The following NUDT16L1 variants were observed in gnomAD, a reference collection of about 807,000 sequenced individuals.
The protein encoded by NUDT16L1 is tudor-interacting repair regulator protein.
NUDT16L1 carries 19 observed loss-of-function variants against 17.3 expected under a neutral mutation model. The ratio of observed to expected loss-of-function variants is 1.10; its 90% confidence interval spans 0.77 to 1.61. The LOEUF is 1.61. NUDT16L1 is among the 40% of genes most tolerant of loss of function. The pLI, the probability that NUDT16L1 is intolerant of heterozygous loss-of-function variation, is 0.00. For synonymous variants in NUDT16L1, 255 were observed against 138.6 expected, an observed-to-expected ratio of 1.84 and a Z score of -5.90; for missense variants, 341 against 292.0, an observed-to-expected ratio of 1.17 and a Z score of -1.22.
chr16:4,695,013 T>C (rs761096562), exon 3 of NUDT16L1: 1 of 1,612,898 alleles, frequency 6.2e-7, no homozygotes. Flanking sequence ...GTCGGAGGCT[T>C]CCCCAACTTC....
At position 4,694,501 on chromosome 16, in the gene NUDT16L1, G is replaced by C. The variant is rs1409641422; in HGVS notation, c.414+263G>C. On this transcript the variant is annotated intron_variant, in intron 2 of 2. Coordinates refer to ENST00000304301, the Ensembl canonical transcript of NUDT16L1. ...GCCATTGCCAATCCTGGGAGTGGGG[G>C]AGTGGGATCGGTGGGGAGGAAGGGA... 4 of 1,515,362 alleles carry C rather than the reference G, an allele frequency of 2.6e-6. No homozygotes were observed. In the Admixed American group the frequency reaches 6.2e-5, roughly 23 times the overall value. The allele number at this position is 1,515,362 out of a possible 1,614,324, so 93.9% of individuals were successfully genotyped here.
exon 2 of NUDT16L1, chr16:4,694,006 G>A: frequency 1.9e-6 from 3 of 1,583,332 alleles, no homozygotes; most frequent in Non-Finnish European, 2.6e-6. Flanking sequence ...GGGCTGCTGG[G>A]CTTCCCCGGG....
upstream of NUDT16L1, chr16:4,693,665 C>T (rs963014283): frequency 4.4e-6 from 6 of 1,357,498 alleles, no homozygotes; most frequent in Admixed American, 3.5e-5. Context: ...TGGCGAGGCA[C>T]GGCGGGGGCG....
At chr16:4,695,815 G>A (rs1596332065) in exon 3 of NUDT16L1, 1 of 383,084 alleles carries the variant, frequency 2.6e-6, no homozygotes, top group East Asian at 3.7e-5. Context: ...GCTGTCGAAG[G>A]AGAAGACAAT....
At position 4,694,439 on chromosome 16, in the gene NUDT16L1, G is replaced by A. The variant is rs765786383; in HGVS notation, c.414+201G>A. 4.7e-4 allele frequency: 716 copies of A among 1,514,308 alleles called. 5 individuals carry two copies. The highest frequency in any genetic ancestry group is 1.1e-3 in the Middle Eastern group (6 of 5,428). 93.8% of individuals were successfully genotyped at this position (1,514,308 alleles called of 1,614,324 possible). A position where few individuals can be genotyped will look rare whatever the true frequency, so the allele number is the denominator to read the frequency against. On this transcript the variant is annotated intron_variant, in intron 2 of 2. Transcript: ENST00000304301. Reference sequence around the variant, plus strand: ...GGCGGGGGTGGGGGCCGGCGCTGGGGCTCCCTCAGGGCTGTGTTACATCCG... The same window carrying A: ...GGCGGGGGTGGGGGCCGGCGCTGGGACTCCCTCAGGGCTGTGTTACATCCG...
At chr16:4,694,421 G>C (rs2079487547) in intron 2 of NUDT16L1, 183 bp downstream of exon 2, 8 of 1,449,794 alleles carry the variant, frequency 5.5e-6, no homozygotes, top group Non-Finnish European at 4.6e-6. Context: ...AGGGGCGGGG[G>C]TGGGGGCCGG....
chr16:4,695,162 C>T lies in NUDT16L1; in HGVS notation c.619C>T (p.Leu207Phe), dbSNP rs774050074. The change falls in exon 3 of 3, where the codon CTC (leucine) becomes TTC (phenylalanine). Residue 207 changes from leucine (L) to phenylalanine (F), a missense_variant. By Grantham distance (22) the Leu-to-Phe change is conservative (BLOSUM62 0). Coordinates refer to ENST00000304301, the Ensembl canonical transcript of NUDT16L1. ...GCAGAAGAAGGCCCTGGAGAAGTTGCTCCCGGCCTCCTCTTGAGGGCTGCC... is the reference window on the plus strand; with the variant it reads ...GCAGAAGAAGGCCCTGGAGAAGTTGTTCCCGGCCTCCTCTTGAGGGCTGCC... 4.3e-6 allele frequency: 7 copies of T among 1,612,686 alleles called. No individual in the cohort carries two copies. The Admixed American group carries it at 5.0e-5, about 12-fold the overall frequency.
exon 3 of NUDT16L1, chr16:4,695,413 C>G: frequency 1.7e-6 from 1 of 596,138 alleles, no homozygotes; most frequent in Non-Finnish European, 3.0e-6. Context: ...CCTGCCTCTC[C>G]AGCCTCAGGA....
chr16:4,693,791 C>G lies in NUDT16L1; in HGVS notation c.65C>G (p.Pro22Arg), dbSNP rs1181008206. Residue 22 changes from proline (P) to arginine (R), a missense_variant, in exon 1 of 3, where the codon CCG becomes CGG. Physicochemically the swap from Pro to Arg is moderately radical, Grantham distance 103. Transcript: ENST00000304301. ...CGGGTGGAGGCGATGCGCCTAGGGC[C>G]GGGCTGGAGCCACTCGTGCCACGCC... 3 of 1,569,978 alleles carry G rather than the reference C, an allele frequency of 1.9e-6. No individual in the cohort carries two copies. The highest frequency in any genetic ancestry group is 2.6e-6 in the Non-Finnish European group (3 of 1,162,704).
chr16:4,694,625 A>AC, intron 2 of NUDT16L1: 1 of 1,404,542 alleles, frequency 7.1e-7, no homozygotes, highest in Admixed American at 3.0e-5. Flanking sequence ...GGCTCTTGGG[A>AC]TTTGTACTTT....
At chr16:4,695,778 C>G (rs143218484) in exon 3 of NUDT16L1, 1 of 396,534 alleles carries the variant, frequency 2.5e-6, no homozygotes, top group East Asian at 3.6e-5. Context: ...CAGTCAGGGC[C>G]TCGGGGGCCC....
chr16:4,693,948 C>G, intron 1 of NUDT16L1, 30 bp from the exon 2 acceptor site: 1 of 1,515,156 alleles, frequency 6.6e-7, no homozygotes, highest in Non-Finnish European at 8.7e-7. Flanking sequence ...GTCCGTCGAC[C>G]CCGCGGCTGT....
At chr16:4,695,094 C>G (rs2079513726) in exon 3 of NUDT16L1, 1 of 1,613,558 alleles carries the variant, frequency 6.2e-7, no homozygotes, top group Non-Finnish European at 8.5e-7. Flanking sequence ...AACATGATGC[C>G]CGAGGAGAAG....
rs530860660 is a variant in NUDT16L1 at position 4,695,790 on chromosome 16, G to C, written c.*611G>C. 46 of 394,638 alleles carry C rather than the reference G, an allele frequency of 1.2e-4. No individual in the cohort carries two copies. In the Admixed American group the frequency reaches 1.7e-3, roughly 15 times the overall value. The allele number at this position is 394,638 out of a possible 1,614,324, so 24.4% of individuals were successfully genotyped here. ...GGACAGTCAGGGCCTCGGGGGCCCA[G>C]CTATGTACAACGAAGCTGTCGAAGG... On this transcript the variant is annotated 3_prime_UTR_variant, in exon 3 of 3. Transcript: ENST00000304301.
exon 3 of NUDT16L1, chr16:4,695,431 G>A (rs541375882): frequency 3.4e-6 from 2 of 593,998 alleles, no homozygotes; most frequent in African/African-American, 3.7e-5. Context: ...GGATGCTCTT[G>A]TTTATTCTGG....
exon 1 of NUDT16L1, chr16:4,693,699 C>G: frequency 1.3e-6 from 2 of 1,483,828 alleles, no homozygotes; most frequent in South Asian, 1.3e-5. Context: ...TCTTAAGTGG[C>G]AGCGGCGGGG....
exon 3 of NUDT16L1, chr16:4,695,496 C>CTGA (rs1354273936): frequency 3.6e-6 from 2 of 555,538 alleles, no homozygotes; most frequent in African/African-American, 3.8e-5. Context: ...CCAGGAGTGC[C>CTGA]TGATTGTCCC....
chr16:4,694,315 C>A (rs1312432919), intron 2 of NUDT16L1, 77 bp downstream of exon 2: 1 of 1,482,588 alleles, frequency 6.7e-7, no homozygotes, highest in Non-Finnish European at 8.9e-7. Flanking sequence ...ATGGGTAACA[C>A]GTCTCCTGAG....
chr16:4,695,442 G>C (rs1201350213), exon 3 of NUDT16L1: 5 of 591,632 alleles, frequency 8.5e-6, no homozygotes, highest in South Asian at 4.2e-5. Context: ...TTTATTCTGG[G>C]CTCAGACCCT....
Sources: gnomAD v4.1 joint callset for allele counts on GRCh38, gnomAD v4.1.1 for gene constraint, MANE v1.5 for transcripts, NCBI Gene and HGNC (gene_info 2026-07-23, HGNC 2026-07-21) for gene names.